Variants in C1GALT1C1L observed in about 807,000 individuals in gnomAD.
C1GALT1C1L encodes C1GALT1-specific chaperone 1-like protein.
Under a neutral mutation model 0.5 loss-of-function variants are expected in C1GALT1C1L, and 1 was observed. The ratio of observed to expected loss-of-function variants is 2.11; its 90% CI spans 0.75 to 10.02. C1GALT1C1L has a LOEUF of 10.02. Among genes scored for constraint, C1GALT1C1L ranks in the 30% most tolerant of loss-of-function variants. The probability of loss-of-function intolerance (pLI) is 0.13; values close to 1 mark genes in which losing one functional copy is unlikely to be tolerated. For synonymous variants in C1GALT1C1L, 148 were observed against 132.6 expected (o/e 1.12, Z -0.80); for missense variants, 444 against 375.5 (o/e 1.18, Z -1.51).
rs143787127 is a variant in C1GALT1C1L at position 43,675,618 on chromosome 2, C to G, written c.705G>C (p.Glu235Asp). 27,530 of 1,613,628 alleles carry G rather than the reference C, an allele frequency of 0.017. 279 individuals carry two copies. The highest frequency in any genetic ancestry group is 0.022 in the Middle Eastern group (132 of 6,058). Residue 235 changes from glutamate to aspartate, a missense_variant, in exon 1 of 1, where the codon GAG becomes GAC. Transcript: ENST00000475092. ...TAAATACATCTCTTCCTTCATAATC[C>G]TCTGCATTTTCTGCATGAACTCCTG... ...KYAGVHAENA[E>D]DYEGRDVFNT...
chr2:43,676,150 T>G lies in C1GALT1C1L; in HGVS notation c.173A>C (p.Lys58Thr), dbSNP rs1667768403. The G allele has an allele frequency of 6.2e-7, 1 of 1,613,974 alleles. No homozygotes were observed. Among genetic ancestry groups the G allele is most frequent in the South Asian group, 1.1e-5 (1 of 91,072 alleles). ...PNRNDFLNTS[K>T]VILLELSKSI... is the part of the protein sequence containing the mutation. ...TTTACTGAGCTCCAAGAGTATCACT[T>G]TTGAAGTGTTTAAGAAATCGTTCCT... Residue 58 changes from lysine to threonine, a missense_variant, in exon 1 of 1, where the codon AAA becomes ACA. By Grantham distance (78) the Lys-to-Thr change is moderately conservative. Transcript: ENST00000475092.
rs1667770845 is a variant in C1GALT1C1L at position 43,676,174 on chromosome 2, C to T, written c.149G>A (p.Arg50Lys). ...HEHHHLRPPN[R>K]NDFLNTSKVI... ...TTTTGAAGTGTTTAAGAAATCGTTC[C>T]TGTTAGGTGGACGAAGGTGATGGTG... The change falls in exon 1 of 1, where the codon AGG (arginine) becomes AAG (lysine). Residue 50 changes from arginine to lysine, a missense_variant. Arg to Lys is a conservative substitution (Grantham distance 26). Coordinates refer to ENST00000475092, the MANE Select transcript of C1GALT1C1L (RefSeq NM_001101330.3). The T allele has an allele frequency of 1.2e-6, 2 of 1,613,862 alleles. No homozygotes were observed. Among genetic ancestry groups the T allele is most frequent in the South Asian group, 2.2e-5 (2 of 91,084 alleles).
In C1GALT1C1L at chr2:43,675,808, A is replaced by G; in HGVS notation, c.515T>C (p.Ile172Thr). 6.2e-7 allele frequency: 1 copy of G among 1,613,920 alleles called. No homozygotes were observed. Among genetic ancestry groups the G allele is most frequent in the Non-Finnish European group, 8.5e-7 (1 of 1,179,862 alleles). Residue 172 changes from isoleucine to threonine, a missense_variant, in exon 1 of 1, where the codon ATA becomes ACA. Ile to Thr is a moderately conservative substitution (Grantham distance 89). Coordinates refer to ENST00000475092, the MANE Select transcript of C1GALT1C1L (RefSeq NM_001101330.3). ...AGTCACGTATTCGAGGTCTCCAAATATAACAGTGTGGCCCAGATAGAAGGG... is the reference window on the plus strand; with the variant it reads ...AGTCACGTATTCGAGGTCTCCAAATGTAACAGTGTGGCCCAGATAGAAGGG... Reference protein sequence around the residue: ...SQPFYLGHTVIFGDLEYVTVE... With the variant: ...SQPFYLGHTVTFGDLEYVTVE...
the C1GALT1C1L span, chr2:43,676,138 A>T: frequency 1.9e-6 from 3 of 1,613,938 alleles, no homozygotes; most frequent in Admixed American, 3.3e-5. Context: ...ACTGAGCTCC[A>T]AGAGTATCAC....
chr2:43,675,561 C>G lies in C1GALT1C1L; in HGVS notation c.762G>C (p.Glu254Asp). 6.2e-7 allele frequency: 1 copy of G among 1,613,828 alleles called. No homozygotes were observed. Among genetic ancestry groups the G allele is most frequent in the South Asian group, 1.1e-5 (1 of 91,036 alleles). ...CTTGCTGAGGGTTATTAGACAATGC[C>G]TCTTCAATAAGCTGTGCGATTGGTT... ...NTKPIAQLIE[E>D]ALSNNPQQVV... is the part of the protein sequence containing the mutation. The change falls in exon 1 of 1, where the codon GAG becomes GAC. Residue 254 changes from glutamate (E) to aspartate (D), a missense_variant. Glu to Asp is a conservative substitution (Grantham distance 45). Coordinates refer to ENST00000475092, the MANE Select transcript of C1GALT1C1L (RefSeq NM_001101330.3).
rs778008655 is a variant in C1GALT1C1L at position 43,675,694 on chromosome 2, A to C, written c.629T>G (p.Val210Gly). 2 of 1,613,876 alleles carry C rather than the reference A, an allele frequency of 1.2e-6. No homozygotes were observed. The highest frequency in any genetic ancestry group is 4.5e-5 in the East Asian group (2 of 44,870). The part of the protein sequence containing the change: ...DNSETCADQS[V>G]IWKLSEDKQL... ...CTTATCTTCAGATAACTTCCAAATC[A>C]CACTTTGATCTGCACAGGTCTCAGA... Residue 210 changes from valine to glycine, a missense_variant, in exon 1 of 1, where the codon GTG (valine) becomes GGG (glycine). Coordinates refer to ENST00000475092, the MANE Select transcript of C1GALT1C1L (RefSeq NM_001101330.3).
Position 43,675,368 on chromosome 2 carries a change from C to T in C1GALT1C1L, c.*7G>A. 1.9e-6 allele frequency: 3 copies of T among 1,560,430 alleles called. No homozygotes were observed. The highest frequency in any genetic ancestry group is 2.6e-6 in the Non-Finnish European group (3 of 1,154,746). On this transcript the variant is annotated 3_prime_UTR_variant, in exon 1 of 1. Coordinates refer to ENST00000475092, the MANE Select transcript of C1GALT1C1L (RefSeq NM_001101330.3). ...TTGGACAGCACAGGTCTATTATTCT[C>T]CAGGCCTCAGTCATTTTCTGAACCA...
chr2:43,675,575 G>T lies in C1GALT1C1L; in HGVS notation c.748C>A (p.Gln250Lys), dbSNP rs377160403. 16 of 1,613,574 alleles carry T rather than the reference G, an allele frequency of 9.9e-6. No individual in the cohort carries two copies. In the African/African-American group the frequency reaches 1.7e-4, roughly 17 times the overall value. ...RDVFNTKPIA[Q>K]LIEEALSNNP... Reference sequence around the variant, plus strand: ...TTAGACAATGCCTCTTCAATAAGCTGTGCGATTGGTTTTGTATTAAATACA... The same window carrying T: ...TTAGACAATGCCTCTTCAATAAGCTTTGCGATTGGTTTTGTATTAAATACA... The change falls in exon 1 of 1, where the codon CAG becomes AAG. Residue 250 changes from glutamine (Q) to lysine (K), a missense_variant. Coordinates refer to ENST00000475092, the MANE Select transcript of C1GALT1C1L (RefSeq NM_001101330.3).
In C1GALT1C1L at chr2:43,675,452, A is replaced by G. The variant is rs1667700290; in HGVS notation, c.871T>C (p.Tyr291His). 6.2e-7 allele frequency: 1 copy of G among 1,613,674 alleles called. No individual in the cohort carries two copies. Among genetic ancestry groups the G allele is most frequent in the African/African-American group, 1.3e-5 (1 of 75,054 alleles). The change falls in exon 1 of 1, where the codon TAC becomes CAC. Residue 291 changes from tyrosine (Y) to histidine (H), a missense_variant. Physicochemically the swap from Tyr to His is moderately conservative, Grantham distance 83. Transcript: ENST00000475092. Reference protein sequence around the residue: ...QKMEVMMYGLYRLRAFGHYFN... With the variant: ...QKMEVMMYGLHRLRAFGHYFN... ...TAGTGTCCAAATGCCCTGAGCCGGT[A>G]CAGGCCATACATCATTACTTCCATC...
At position 43,676,249 on chromosome 2, in the gene C1GALT1C1L, A is replaced by G. The variant is rs1667778669; in HGVS notation, c.74T>C (p.Met25Thr). The change falls in exon 1 of 1, where the codon ATG becomes ACG. Residue 25 changes from methionine to threonine, a missense_variant. Coordinates refer to ENST00000475092, the MANE Select transcript of C1GALT1C1L (RefSeq NM_001101330.3). ...LGSISWVLIT[M>T]FGQIHIRHRG... The stretch of plus-strand genomic sequence containing the variant: ...GTGTCGAATGTGAATTTGGCCAAAC[A>G]TAGTTATCAAAACCCAGGAAATGCT... The G allele has an allele frequency of 6.2e-7, 1 of 1,613,898 alleles. No individual in the cohort carries two copies.
Position 43,676,406 on chromosome 2 carries a change from C to A in C1GALT1C1L, c.-84G>T. On this transcript the variant is annotated 5_prime_UTR_variant, in exon 1 of 1. Transcript: ENST00000475092. Reference sequence around the variant, plus strand: ...GTCCCGCGCCTTCCGGAGCTGGCGGCTGCGCTCCCGGTTGGGCCACTCTAG... The same window carrying A: ...GTCCCGCGCCTTCCGGAGCTGGCGGATGCGCTCCCGGTTGGGCCACTCTAG... The A allele has an allele frequency of 1.7e-6, 2 of 1,157,290 alleles. No homozygotes were observed. The highest frequency in any genetic ancestry group is 2.4e-6 in the Non-Finnish European group (2 of 831,940). The allele number at this position is 1,157,290 out of a possible 1,614,324, so 71.7% of individuals were successfully genotyped here.
the C1GALT1C1L span, chr2:43,676,020 G>C: frequency 6.2e-7 from 1 of 1,613,932 alleles, no homozygotes; most frequent in Non-Finnish European, 8.5e-7. Flanking sequence ...TTTTAGTATC[G>C]TAGAGCTCTG....
At position 43,675,651 on chromosome 2, in the gene C1GALT1C1L, C is replaced by G. The variant is rs374407465; in HGVS notation, c.672G>C (p.Leu224=). The change falls in exon 1 of 1, where the codon CTG becomes CTC. Residue 224 remains leucine, a synonymous_variant. Transcript: ENST00000475092. Reference sequence around the variant, plus strand: ...TTTCTGCATGAACTCCTGCATATTTCAGGCATATTGCCAGCTGCTTATCTT... The same window carrying G: ...TTTCTGCATGAACTCCTGCATATTTGAGGCATATTGCCAGCTGCTTATCTT... ...LSEDKQLAIC[L]KYAGVHAENA... 6.2e-7 allele frequency: 1 copy of G among 1,613,980 alleles called. No individual in the cohort carries two copies. The highest frequency in any genetic ancestry group is 1.3e-5 in the African/African-American group (1 of 75,068).
rs766833135 is a variant in C1GALT1C1L at position 43,676,020 on chromosome 2, G to A, written c.303C>T (p.Tyr101=). The change falls in exon 1 of 1, where the codon TAC becomes TAT. Residue 101 remains tyrosine, a synonymous_variant. Transcript: ENST00000475092. ...TGAACAAATTATCATTTTTAGTATC[G>A]TAGAGCTCTGCTTTGTCACAGTGTT... ...WTKHCDKAEL[Y]DTKNDNLFNI... The A allele has an allele frequency of 2.4e-5, 38 of 1,613,814 alleles. No homozygotes were observed. In the Middle Eastern group the frequency reaches 4.9e-4, roughly 21 times the overall value.
At chr2:43,675,866 T>A in the C1GALT1C1L span, 5 of 1,614,102 alleles carry the variant, frequency 3.1e-6, no homozygotes, top group South Asian at 5.5e-5. Flanking sequence ...AAAAGGTACT[T>A]TAAATTTTCA....
Position 43,675,430 on chromosome 2 carries a change from T to A in C1GALT1C1L, c.893A>T (p.His298Leu), listed in dbSNP as rs998623599. Residue 298 changes from histidine to leucine, a missense_variant, in exon 1 of 1, where the codon CAC becomes CTC. His to Leu is a moderately conservative substitution (Grantham distance 99). Coordinates refer to ENST00000475092, the MANE Select transcript of C1GALT1C1L (RefSeq NM_001101330.3). ...YGLYRLRAFGHYFNDTLVFLP... is the reference protein window; with the variant it reads ...YGLYRLRAFGLYFNDTLVFLP... The stretch of plus-strand genomic sequence containing the variant: ...GAAAACGAGTGTGTCATTGAAATAG[T>A]GTCCAAATGCCCTGAGCCGGTACAG... 4 of 1,608,692 alleles carry A rather than the reference T, an allele frequency of 2.5e-6. No individual in the cohort carries two copies. The African/African-American group carries it at 5.4e-5, about 22-fold the overall frequency.
Position 43,676,047 on chromosome 2 carries a change from G to A in C1GALT1C1L, c.276C>T (p.Thr92=). ...AGAGCTCTGCTTTGTCACAGTGTTT[G>A]GTCCAGGTCTCTTTCAGTACAGCCC... ...SYWAVLKETW[T]KHCDKAELYD... is the part of the protein sequence containing the mutation. The change falls in exon 1 of 1, where the codon ACC becomes ACT. Residue 92 remains threonine, a synonymous_variant. Transcript: ENST00000475092. The A allele has an allele frequency of 6.2e-7, 1 of 1,613,906 alleles. No individual in the cohort carries two copies. Among genetic ancestry groups the A allele is most frequent in the Non-Finnish European group, 8.5e-7 (1 of 1,179,870 alleles).
rs1262377972 is a variant in C1GALT1C1L, at chr2:43,675,495, A to G, written c.828T>C (p.Asn276=). The G allele has an allele frequency of 6.2e-6, 10 of 1,614,020 alleles. No individual in the cohort carries two copies. Among genetic ancestry groups the G allele is most frequent in the Non-Finnish European group, 5.9e-6 (7 of 1,179,890 alleles). The change falls in exon 1 of 1, where the codon AAT becomes AAC. Residue 276 remains asparagine (N), a synonymous_variant. Transcript: ENST00000475092. ...CTTCCATCTTTTGGGGGGTCAGTCC[A>G]TTGAAAGTAATAGCCATATCTGAAC... ...GCCSDMAITF[N]GLTPQKMEVM...
rs2104413138 is a variant in C1GALT1C1L at position 43,675,600 on chromosome 2, A to T, written c.723T>A (p.Asp241Glu). The T allele has an allele frequency of 6.2e-7, 1 of 1,613,670 alleles. No individual in the cohort carries two copies. Among genetic ancestry groups the T allele is most frequent in the Non-Finnish European group, 8.5e-7 (1 of 1,179,744 alleles). ...AENAEDYEGR[D>E]VFNTKPIAQL... ...GTGCGATTGGTTTTGTATTAAATAC[A>T]TCTCTTCCTTCATAATCCTCTGCAT... The change falls in exon 1 of 1, where the codon GAT (aspartate) becomes GAA (glutamate). Residue 241 changes from aspartate to glutamate, a missense_variant. Transcript: ENST00000475092.
Sources: allele counts gnomAD v4.1 joint callset, GRCh38; gene constraint gnomAD v4.1.1; transcripts MANE v1.5; gene names NCBI Gene and HGNC (gene_info 2026-07-23, HGNC 2026-07-21).